Variants in KPNA4 observed in about 807,000 individuals in gnomAD.
KPNA4 encodes the protein importin subunit alpha-3.
Under a neutral mutation model 71.3 loss-of-function variants are expected in KPNA4, and 13 were observed. That is an observed-to-expected ratio of 0.18 (90% CI 0.12 to 0.29). The LOEUF (loss-of-function observed/expected upper bound fraction) is 0.29, where lower values mean the gene tolerates loss of function less well. Among genes scored for constraint, KPNA4 ranks in the 10% least tolerant of loss-of-function variants. The probability of loss-of-function intolerance (pLI) is 1.00; values close to 1 mark genes in which losing one functional copy is unlikely to be tolerated. For missense variants in KPNA4, 334 were observed against 603.2 expected (o/e 0.55, Z 4.67); for synonymous variants, 189 against 195.2 (o/e 0.97, Z 0.26).
chr3:160,555,238 T>G (rs920838241), intron 1 of KPNA4, among the ~76,000 whole-genome samples: 2 of 152,194 alleles, frequency 1.3e-5, no homozygotes, highest in Non-Finnish European at 2.9e-5. Context: ...GAAAGGACAG[T>G]GTAGGAAAAA....
chr3:160,559,897 C>T (rs190820614), intron 1 of KPNA4, among the ~76,000 whole-genome samples: 1 of 152,080 alleles, frequency 6.6e-6, no homozygotes, highest in East Asian at 1.9e-4. Flanking sequence ...TGAAAAATGT[C>T]CTTATTTTAT....
At chr3:160,559,725 G>A (rs538636368) in intron 1 of KPNA4, among the ~76,000 whole-genome samples, 1 of 152,162 alleles carries the variant, frequency 6.6e-6, no homozygotes, top group African/African-American at 2.4e-5. Flanking sequence ...TCAACTGTCT[G>A]TCTGTGTGAA....
At chr3:160,505,684 C>T (rs1720971008) in intron 15 of KPNA4, among the ~76,000 whole-genome samples, 1 of 152,100 alleles carries the variant, frequency 6.6e-6, no homozygotes, top group Non-Finnish European at 1.5e-5. Context: ...AGTGAAATTG[C>T]CCCTTCATGA....
chr3:160,521,676 C>T, intron 11 of KPNA4, 103 bp downstream of exon 11: 1 of 1,017,520 alleles, frequency 9.8e-7, no homozygotes, highest in Non-Finnish European at 1.5e-6. Context: ...TGTTGTTATG[C>T]TAAGAATATA....
intron 1 of KPNA4, among the ~76,000 whole-genome samples, chr3:160,560,547 A>C (rs979065717): frequency 6.6e-6 from 1 of 152,060 alleles, no homozygotes; most frequent in African/African-American, 2.4e-5. Context: ...TTAAGGACCC[A>C]CAACCACTAT....
chr3:160,552,690 G>A (rs1192089449), intron 1 of KPNA4, among the ~76,000 whole-genome samples: 3 of 152,212 alleles, frequency 2.0e-5, no homozygotes, highest in Admixed American at 2.0e-4. Flanking sequence ...TTCAAAGGAT[G>A]AGAAATAACC....
At chr3:160,517,865 C>T (rs1185031861) in intron 11 of KPNA4, among the ~76,000 whole-genome samples, 1 of 150,842 alleles carries the variant, frequency 6.6e-6, no homozygotes, top group African/African-American at 2.5e-5. Context: ...ATGTAAATCC[C>T]TTTGCCAATA....
chr3:160,547,547 G>C (rs919650251), intron 1 of KPNA4, among the ~76,000 whole-genome samples: 1 of 151,738 alleles, frequency 6.6e-6, no homozygotes, highest in Admixed American at 6.6e-5. Context: ...TGGTACATTT[G>C]TTACAACTGA....
chr3:160,541,274 AT>A (rs1721790858), intron 1 of KPNA4, among the ~76,000 whole-genome samples: 1 of 152,298 alleles, frequency 6.6e-6, no homozygotes, highest in South Asian at 2.1e-4. Flanking sequence ...GATATTTTAA[AT>A]TTTCTTGAGC....
chr3:160,505,087 T>C (rs2108542555), intron 15 of KPNA4, 35 bp from the exon 16 acceptor site: 1 of 1,132,750 alleles, frequency 8.8e-7, no homozygotes, highest in Non-Finnish European at 1.3e-6. Flanking sequence ...ACAATAGTAA[T>C]ATTTAAAGAG....
chr3:160,515,231 T>C (rs112043538), intron 12 of KPNA4: 6 of 603,890 alleles, frequency 9.9e-6, no homozygotes, highest in African/African-American at 5.5e-5. Context: ...TATTTCATCA[T>C]TTCCAAGAGA....
intron 16 of KPNA4, among the ~76,000 whole-genome samples, chr3:160,504,166 G>GT (rs1482647195): frequency 6.6e-6 from 1 of 152,188 alleles, no homozygotes; most frequent in Non-Finnish European, 1.5e-5. Context: ...TTAAACAACT[G>GT]TAAGTAAATA....
chr3:160,508,062 A>G, intron 15 of KPNA4, 45 bp downstream of exon 15: 1 of 1,458,656 alleles, frequency 6.9e-7, no homozygotes, highest in Non-Finnish European at 9.3e-7. Context: ...AGGTAGTTAC[A>G]AAGAGAACAT....
chr3:160,565,169 C>G (rs1242259659), intron 1 of KPNA4, 45 bp downstream of exon 1: 1 of 1,516,872 alleles, frequency 6.6e-7, no homozygotes, highest in South Asian at 1.2e-5. Flanking sequence ...GAGACCGGCC[C>G]CAGGCCCACA....
rs901273650 is a variant in KPNA4, at chr3:160,551,680, C to T, written c.69+13534G>A. On this transcript the variant is annotated intron_variant, in intron 1 of 16. Coordinates refer to ENST00000334256, the MANE Select transcript of KPNA4 (RefSeq NM_002268.5). ...AAGTAATTTCACTTTTATACCTTTA[C>T]TAGCATTTATGCAGCAAACACTCAA... is the stretch of plus-strand genomic sequence containing the variant. Among the ~76,000 whole-genome samples the T allele has an allele frequency of 3.9e-5, 6 of 152,166 alleles. No homozygotes were observed. In the East Asian group the frequency reaches 7.7e-4, roughly 19 times the overall value.
intron 1 of KPNA4, among the ~76,000 whole-genome samples, chr3:160,560,318 TA>T (rs1252716294): frequency 6.6e-6 from 1 of 152,088 alleles, no homozygotes; most frequent in Non-Finnish European, 1.5e-5. Flanking sequence ...ATTCAATATG[TA>T]TAAGATTGAG....
intron 10 of KPNA4, among the ~76,000 whole-genome samples, chr3:160,524,705 TAAG>T (rs1292615406): frequency 6.6e-6 from 1 of 152,186 alleles, no homozygotes; most frequent in Non-Finnish European, 1.5e-5. Flanking sequence ...ACTTGGCTAT[TAAG>T]GAGCCAAAAC....
intron 11 of KPNA4, among the ~76,000 whole-genome samples, chr3:160,520,710 G>A (rs986391882): frequency 7.2e-5 from 11 of 152,154 alleles, no homozygotes; most frequent in Non-Finnish European, 1.0e-4. Context: ...TTCTGAAACA[G>A]AAATCTCCAG....
intron 1 of KPNA4, among the ~76,000 whole-genome samples, chr3:160,554,806 C>G (rs988698082): frequency 6.6e-6 from 1 of 152,228 alleles, no homozygotes; most frequent in East Asian, 1.9e-4. Flanking sequence ...GGTGCCTAGA[C>G]AGCATGGAAA....
Sources: gnomAD v4.1 joint callset for allele counts (sites outside exome capture counted in the v4.1 genomes callset) on GRCh38, gnomAD v4.1.1 for gene constraint, MANE v1.5 for transcripts, NCBI Gene and HGNC (gene_info 2026-07-23, HGNC 2026-07-21) for gene names.